The following DPYD variants were observed in gnomAD, a reference collection of about 807,000 sequenced individuals.
DPYD encodes dihydropyrimidine dehydrogenase [NADP(+)].
A neutral mutation model predicts 116.2 loss-of-function variants in DPYD; 109 were observed. That is an observed-to-expected ratio of 0.94 (90% CI 0.80 to 1.10). The LOEUF (loss-of-function observed/expected upper bound fraction) is 1.10, where lower values mean the gene tolerates loss of function less well. DPYD is among the 50% of genes least tolerant of loss of function. The pLI, the probability that DPYD is intolerant of heterozygous loss-of-function variation, is 0.00. For missense variants in DPYD, 1,302 were observed against 1,254.5 expected (o/e 1.04, Z -0.57); for synonymous variants, 440 against 432.0 (o/e 1.02, Z -0.23).
intron 8 of DPYD, among the ~76,000 whole-genome samples, chr1:97,655,526 G>T (rs1275961041): frequency 6.6e-6 from 1 of 152,160 alleles, no homozygotes; most frequent in Admixed American, 6.6e-5. Flanking sequence ...ATTTCCTATG[G>T]AGTTAAATTT....
chr1:97,771,454 A>G (rs571959497), intron 3 of DPYD, among the ~76,000 whole-genome samples: 3 of 152,192 alleles, frequency 2.0e-5, no homozygotes, highest in Non-Finnish European at 4.4e-5. Flanking sequence ...GTGCACAAAA[A>G]GACATGCATA....
At chr1:97,552,305 T>A (rs1444435876) in intron 11 of DPYD, among the ~76,000 whole-genome samples, 1 of 152,146 alleles carries the variant, frequency 6.6e-6, no homozygotes, top group Non-Finnish European at 1.5e-5. Context: ...ACAAATTAAA[T>A]TGAAGTTCTT....
intron 16 of DPYD, among the ~76,000 whole-genome samples, chr1:97,307,254 G>T (rs1667228806): frequency 6.6e-6 from 1 of 151,708 alleles, no homozygotes; most frequent in Non-Finnish European, 1.5e-5. Flanking sequence ...ATCGAACTTG[G>T]TAATATTATC....
At chr1:97,746,792 T>C (rs1479472725) in intron 3 of DPYD, among the ~76,000 whole-genome samples, 1 of 152,086 alleles carries the variant, frequency 6.6e-6, no homozygotes. Context: ...CTTAATAATT[T>C]CTGAATCTAC....
At chr1:97,218,896 G>T (rs1314002877) in intron 19 of DPYD, among the ~76,000 whole-genome samples, 1 of 152,050 alleles carries the variant, frequency 6.6e-6, no homozygotes, top group Non-Finnish European at 1.5e-5. Context: ...GAGGATAAGA[G>T]ATTTTAAAGT....
chr1:97,272,642 G>A (rs990318975), intron 18 of DPYD, among the ~76,000 whole-genome samples: 3 of 152,038 alleles, frequency 2.0e-5, no homozygotes, highest in East Asian at 1.9e-4. Flanking sequence ...GAACAAGTAC[G>A]TTACACATCT....
chr1:97,703,158 T>C (rs1355402370), intron 5 of DPYD, among the ~76,000 whole-genome samples: 1 of 152,054 alleles, frequency 6.6e-6, no homozygotes, highest in East Asian at 1.9e-4. Flanking sequence ...AACTTTTTAT[T>C]GCACTAGGTT....
At chr1:97,435,940 T>A (rs1231101658) in intron 14 of DPYD, among the ~76,000 whole-genome samples, 1 of 151,992 alleles carries the variant, frequency 6.6e-6, no homozygotes, top group Non-Finnish European at 1.5e-5. Context: ...ATGAAACACA[T>A]ATACTTGTAG....
intron 3 of DPYD, among the ~76,000 whole-genome samples, chr1:97,770,280 G>GT (rs1381205321): frequency 1.3e-5 from 2 of 152,128 alleles, no homozygotes; most frequent in African/African-American, 2.4e-5. Flanking sequence ...CTTTACAGGG[G>GT]TATGATATAT....
At chr1:97,363,596 T>C (rs1335958029) in intron 16 of DPYD, among the ~76,000 whole-genome samples, 1 of 152,152 alleles carries the variant, frequency 6.6e-6, no homozygotes, top group Non-Finnish European at 1.5e-5. Flanking sequence ...ATGTGGCACA[T>C]ATACACCATG....
At chr1:97,365,864 G>T (rs1401329708) in intron 16 of DPYD, among the ~76,000 whole-genome samples, 1 of 152,086 alleles carries the variant, frequency 6.6e-6, no homozygotes, top group Non-Finnish European at 1.5e-5. Flanking sequence ...AAACTCCTTA[G>T]CTCAAGCAAT....
At chr1:97,112,084 C>T (rs2101625702) in intron 20 of DPYD, among the ~76,000 whole-genome samples, 1 of 152,176 alleles carries the variant, frequency 6.6e-6, no homozygotes, top group East Asian at 1.9e-4. Flanking sequence ...TATAGAAATT[C>T]TAGCAATGTC....
intron 18 of DPYD, 110 bp downstream of exon 18, chr1:97,305,149 T>G: frequency 1.3e-6 from 2 of 1,488,620 alleles, no homozygotes; most frequent in Non-Finnish European, 1.9e-6. Flanking sequence ...TGATCAGCTA[T>G]GAGTTATAAG....
rs528644586 is a variant in DPYD, at chr1:97,789,703, T to C, written c.233+38411A>G. On this transcript the variant is annotated intron_variant, in intron 3 of 22. Coordinates refer to ENST00000370192, the MANE Select transcript of DPYD (RefSeq NM_000110.4). The stretch of plus-strand genomic sequence containing the variant: ...TAAGTTCCTTTGCTACTTCATAATT[T>C]TCTCAAAAGCAGTATTTGAATAACA... Among the ~76,000 whole-genome samples the C allele has an allele frequency of 1.2e-3, 187 of 152,242 alleles. No individual in the cohort carries two copies. In the Middle Eastern group the frequency reaches 0.024, roughly 19 times the overall value.
intron 3 of DPYD, among the ~76,000 whole-genome samples, chr1:97,792,414 A>G (rs1667367380): frequency 6.6e-6 from 1 of 151,706 alleles, no homozygotes; most frequent in Non-Finnish European, 1.5e-5. Context: ...ACACCCAGCT[A>G]ATTTTTATAT....
Position 97,573,892 on chromosome 1 carries a change from T to C in DPYD, c.1207A>G (p.Ile403Val), listed in dbSNP as rs2102183969. ...PRKVIVKGGR[I>V]VAMQFVRTEQ... The stretch of plus-strand genomic sequence containing the variant: ...GTCCGAACAAACTGCATAGCAACAA[T>C]TCTCCCACCTTTTACTATAACCTTC... Residue 403 changes from isoleucine to valine, a missense_variant, in exon 11 of 23, where the codon ATT (isoleucine) becomes GTT (valine). Coordinates refer to ENST00000370192, the MANE Select transcript of DPYD (RefSeq NM_000110.4). 4 of 1,613,712 alleles carry C rather than the reference T, an allele frequency of 2.5e-6. No homozygotes were observed. The highest frequency in any genetic ancestry group is 1.3e-5 in the African/African-American group (1 of 75,020).
chr1:97,369,442 T>C (rs1318341372), intron 16 of DPYD, among the ~76,000 whole-genome samples: 2 of 152,184 alleles, frequency 1.3e-5, no homozygotes, highest in African/African-American at 2.4e-5. Context: ...AACATTGATA[T>C]TGCAATACCT....
chr1:97,260,543 AT>A (rs1297601263), intron 18 of DPYD, among the ~76,000 whole-genome samples: 1 of 152,126 alleles, frequency 6.6e-6, no homozygotes, highest in Non-Finnish European at 1.5e-5. Flanking sequence ...TTGTATAAGT[AT>A]ACAATTGAAA....
Position 97,513,190 on chromosome 1 carries a change from A to G in DPYD, c.1740+2536T>C, listed in dbSNP as rs190863382. ...TGTCAAGAGTATAAAATATATATAT[A>G]TATACAGGATGAAAATCAAAAGCAT... On this transcript the variant is annotated intron_variant, in intron 13 of 22. Transcript: ENST00000370192. Among the ~76,000 whole-genome samples the G allele has an allele frequency of 2.0e-4, 30 of 151,794 alleles. No individual in the cohort carries two copies. In the East Asian group the frequency reaches 5.6e-3, roughly 29 times the overall value.
Sources: gnomAD v4.1 joint callset for allele counts (sites outside exome capture counted in the v4.1 genomes callset) on GRCh38, gnomAD v4.1.1 for gene constraint, MANE v1.5 for transcripts, NCBI Gene and HGNC (gene_info 2026-07-23, HGNC 2026-07-21) for gene names.